IQGAP2: variants seen among roughly 807,000 people sequenced by gnomAD.
The protein encoded by IQGAP2 is ras GTPase-activating-like protein IQGAP2.
In IQGAP2, 173 loss-of-function variants were observed where a neutral mutation model predicts 201.3. The observed-to-expected ratio is 0.86, with a 90% CI of 0.76 to 0.98. The LOEUF (loss-of-function observed/expected upper bound fraction) is 0.98, where lower values mean the gene tolerates loss of function less well. IQGAP2 is among the 50% of genes least tolerant of loss of function. IQGAP2 has a pLI of 0.00. For synonymous variants in IQGAP2, 675 were observed against 673.9 expected, an observed-to-expected ratio of 1.00 and a Z score of -0.03; for missense variants, 1,687 against 1,864.8, an observed-to-expected ratio of 0.90 and a Z score of 1.76.
At chr5:76,602,959 G>T (rs1747532862) in intron 11 of IQGAP2, among the ~76,000 whole-genome samples, 1 of 152,156 alleles carries the variant, frequency 6.6e-6, no homozygotes, top group African/African-American at 2.4e-5. Context: ...CAAAAGTATT[G>T]TATGGGTTAA....
At chr5:76,438,558 T>C (rs1461440647) in intron 1 of IQGAP2, among the ~76,000 whole-genome samples, 1 of 152,150 alleles carries the variant, frequency 6.6e-6, no homozygotes, top group Non-Finnish European at 1.5e-5. Context: ...TTCTCCTGCT[T>C]CAGCCTCCCG....
intron 2 of IQGAP2, among the ~76,000 whole-genome samples, chr5:76,528,319 TCCAG>T (rs1363190951): frequency 6.6e-6 from 1 of 151,038 alleles, no homozygotes; most frequent in Admixed American, 6.6e-5. Flanking sequence ...TACTTGTTTT[TCCAG>T]CAAGTCAGAG....
chr5:76,438,419 T>G (rs1348728802), intron 1 of IQGAP2, among the ~76,000 whole-genome samples: 1 of 148,600 alleles, frequency 6.7e-6, no homozygotes, highest in Non-Finnish European at 1.5e-5. Flanking sequence ...ATTTCTGTGG[T>G]GTTGGTTGTT....
chr5:76,705,696 G>C (rs930246621), intron 35 of IQGAP2, among the ~76,000 whole-genome samples: 16 of 152,196 alleles, frequency 1.1e-4, no homozygotes, highest in African/African-American at 3.6e-4. Flanking sequence ...TAATGTAGGG[G>C]TTTTCTTAAG....
intron 2 of IQGAP2, among the ~76,000 whole-genome samples, chr5:76,554,206 A>C (rs1743753068): frequency 6.6e-6 from 1 of 152,216 alleles, no homozygotes; most frequent in Non-Finnish European, 1.5e-5. Context: ...AAAGTAGTTC[A>C]AAATGGATCA....
intron 3 of IQGAP2, among the ~76,000 whole-genome samples, chr5:76,569,483 G>C (rs1014130406): frequency 3.3e-5 from 5 of 151,998 alleles, no homozygotes; most frequent in Non-Finnish European, 5.9e-5. Flanking sequence ...TTGAAAATTA[G>C]GGTTAATTTA....
chr5:76,672,305 A>G (rs1209819476), intron 24 of IQGAP2, among the ~76,000 whole-genome samples: 1 of 152,104 alleles, frequency 6.6e-6, no homozygotes, highest in Non-Finnish European at 1.5e-5. Context: ...CTTTACAGTT[A>G]CCAGGCAAGT....
At chr5:76,476,182 A>G (rs1055462525) in intron 2 of IQGAP2, among the ~76,000 whole-genome samples, 4 of 151,892 alleles carry the variant, frequency 2.6e-5, no homozygotes, top group Admixed American at 2.6e-4. Context: ...GTAGTGGAGG[A>G]GTGTTACCAA....
At chr5:76,518,583 A>G (rs1307405472) in intron 2 of IQGAP2, among the ~76,000 whole-genome samples, 1 of 152,228 alleles carries the variant, frequency 6.6e-6, no homozygotes, top group Non-Finnish European at 1.5e-5. Flanking sequence ...AAGAAGGGAT[A>G]TAAATAGAGT....
At chr5:76,638,886 G>C (rs1029202770) in intron 16 of IQGAP2, among the ~76,000 whole-genome samples, 1 of 152,184 alleles carries the variant, frequency 6.6e-6, no homozygotes, top group Non-Finnish European at 1.5e-5. Flanking sequence ...TCTTTGCTTT[G>C]TCTGAAGTTG....
At chr5:76,610,224 C>G (rs1254608630) in intron 12 of IQGAP2, among the ~76,000 whole-genome samples, 4 of 140,382 alleles carry the variant, frequency 2.8e-5, no homozygotes, top group African/African-American at 1.1e-4. Context: ...CCTCTGCCTC[C>G]TGGATTCAAG....
chr5:76,659,593 CA>C (rs1397889884), intron 21 of IQGAP2, among the ~76,000 whole-genome samples: 2 of 152,142 alleles, frequency 1.3e-5, no homozygotes, highest in African/African-American at 4.8e-5. Flanking sequence ...CTACATAAAA[CA>C]ATTAGATTCT....
chr5:76,525,550 G>C, intron 2 of IQGAP2, among the ~76,000 whole-genome samples: 1 of 152,086 alleles, frequency 6.6e-6, no homozygotes, highest in East Asian at 1.9e-4. Flanking sequence ...GTGTGAGGCA[G>C]GCTGGGTGGC....
intron 17 of IQGAP2, among the ~76,000 whole-genome samples, chr5:76,649,643 C>G (rs1344447273): frequency 6.6e-6 from 1 of 152,160 alleles, no homozygotes; most frequent in Non-Finnish European, 1.5e-5. Flanking sequence ...TGTGGCTTTT[C>G]CAGGCACGTG....
intron 2 of IQGAP2, among the ~76,000 whole-genome samples, chr5:76,503,869 A>G (rs1404584847): frequency 6.6e-6 from 1 of 152,236 alleles, no homozygotes; most frequent in Non-Finnish European, 1.5e-5. Context: ...CTGGGATTAC[A>G]GGTGTGAGCC....
At chr5:76,702,350 T>C (rs1288043957) in intron 34 of IQGAP2, 132 bp from the exon 35 acceptor site, 2 of 584,136 alleles carry the variant, frequency 3.4e-6, no homozygotes, top group Non-Finnish European at 3.0e-6. Flanking sequence ...GTGAGGTTTT[T>C]GGTGACTTCC....
chr5:76,585,589 C>T (rs1035693772), intron 5 of IQGAP2, among the ~76,000 whole-genome samples: 1 of 151,604 alleles, frequency 6.6e-6, no homozygotes, highest in Admixed American at 6.6e-5. Context: ...ATTCAGCTCA[C>T]CACAAACCTC....
In IQGAP2 at chr5:76,403,318, G is replaced by C; in HGVS notation, c.-228G>C. On this transcript the variant is annotated 5_prime_UTR_variant, in exon 1 of 36. Transcript: ENST00000274364. The surrounding 1 kb of genome is among the most constrained non-coding windows in gnomAD (Gnocchi z 4.8). Reference sequence around the variant, plus strand: ...TGCGGGAGGCGGCGGCGACCGGCCAGGGAGCGAGGGAGGAGAGTTCACTTT... The same window carrying C: ...TGCGGGAGGCGGCGGCGACCGGCCACGGAGCGAGGGAGGAGAGTTCACTTT... 2 of 365,868 alleles carry C rather than the reference G, an allele frequency of 5.5e-6. No individual in the cohort carries two copies. Among genetic ancestry groups the C allele is most frequent in the African/African-American group, 2.1e-5 (1 of 47,226 alleles). 22.7% of individuals were successfully genotyped at this position (365,868 alleles called of 1,614,324 possible).
At chr5:76,524,884 G>C (rs1335287047) in intron 2 of IQGAP2, among the ~76,000 whole-genome samples, 1 of 152,168 alleles carries the variant, frequency 6.6e-6, no homozygotes, top group Non-Finnish European at 1.5e-5. Context: ...TGTGTTTATA[G>C]TAACATCAAG....
Sources: allele counts gnomAD v4.1 joint callset (sites outside exome capture counted in the v4.1 genomes callset), GRCh38; gene constraint gnomAD v4.1.1; non-coding constraint Gnocchi (gnomAD v3.1); transcripts MANE v1.5; gene names NCBI Gene and HGNC (gene_info 2026-07-23, HGNC 2026-07-21).